Variants in KMT2E observed in about 807,000 individuals in gnomAD.
KMT2E encodes the protein histone reader KMT2E.
Under a neutral mutation model 184.6 loss-of-function variants are expected in KMT2E, and 30 were observed. That is an observed-to-expected ratio of 0.16 (90% CI 0.12 to 0.22). The LOEUF is 0.22. KMT2E is among the 10% of genes least tolerant of loss of function. The pLI is 1.00. For synonymous variants in KMT2E, 815 were observed against 776.5 expected (o/e 1.05, Z -0.82); for missense variants, 2,023 against 2,237.4 (o/e 0.90, Z 1.93).
chr7:105,014,560 A>C (rs2129563566), intron 1 of KMT2E, 25 bp downstream of exon 1: 1 of 148,870 alleles, frequency 6.7e-6, no homozygotes, highest in Middle Eastern at 3.4e-3. Context: ...TCTCCATGGG[A>C]GTTCCTGGGG....
intron 5 of KMT2E, 49 bp from the exon 6 acceptor site, chr7:105,066,678 A>C: frequency 7.1e-7 from 1 of 1,402,762 alleles, no homozygotes. Context: ...ATCTTAATTT[A>C]AGGATGACTT....
At chr7:105,097,486 A>G (rs1798459251) in intron 15 of KMT2E, among the ~76,000 whole-genome samples, 1 of 152,112 alleles carries the variant, frequency 6.6e-6, no homozygotes, top group Non-Finnish European at 1.5e-5. Flanking sequence ...CCCGGGTTCA[A>G]GTGATTCTCC....
intron 1 of KMT2E, among the ~76,000 whole-genome samples, chr7:105,033,381 C>A (rs1382314806): frequency 6.6e-6 from 1 of 152,096 alleles, no homozygotes; most frequent in Non-Finnish European, 1.5e-5. Context: ...TAGAGAAATT[C>A]TATGTATTTT....
chr7:105,095,946 A>G (rs960868860), intron 15 of KMT2E, among the ~76,000 whole-genome samples: 1 of 152,092 alleles, frequency 6.6e-6, no homozygotes, highest in Admixed American at 6.6e-5. Context: ...AAACTTCTGA[A>G]AGATTTAAAT....
intron 1 of KMT2E, among the ~76,000 whole-genome samples, chr7:105,032,884 A>C (rs569554972): frequency 6.6e-6 from 1 of 152,230 alleles, no homozygotes; most frequent in Non-Finnish European, 1.5e-5. Flanking sequence ...ATTCTACTCA[A>C]TATGTCCTTG....
chr7:105,042,853 T>A (rs977963179), intron 3 of KMT2E, among the ~76,000 whole-genome samples: 1 of 152,214 alleles, frequency 6.6e-6, no homozygotes, highest in African/African-American at 2.4e-5. Flanking sequence ...TCATGGAGAT[T>A]TTTTACACCT....
chr7:105,070,640 A>C (rs1481740478), intron 6 of KMT2E, among the ~76,000 whole-genome samples: 1 of 149,130 alleles, frequency 6.7e-6, no homozygotes, highest in African/African-American at 2.5e-5. Context: ...CTCAAAAAAA[A>C]AAAAAAAAAA....
Position 105,049,638 on chromosome 7 carries a change from C to G in KMT2E, c.71+8615C>G, listed in dbSNP as rs550211683. 4.9e-4 allele frequency among the ~76,000 whole-genome samples: 74 copies of G among 152,196 alleles called. 1 individual carries two copies. The highest frequency in any genetic ancestry group is 1.7e-3 in the African/African-American group (71 of 41,550). On this transcript the variant is annotated intron_variant, in intron 3 of 26. Transcript: ENST00000311117. Reference sequence around the variant, plus strand: ...AGGCGCGGTGGCTCACGCCTGTAATCCCAGCACTTTGGGAGGCTGAGGTGG... The same window carrying G: ...AGGCGCGGTGGCTCACGCCTGTAATGCCAGCACTTTGGGAGGCTGAGGTGG...
At chr7:105,092,436 A>G (rs1263155196) in intron 15 of KMT2E, among the ~76,000 whole-genome samples, 3 of 152,168 alleles carry the variant, frequency 2.0e-5, no homozygotes, top group Non-Finnish European at 4.4e-5. Flanking sequence ...TGACCTACTT[A>G]ATATGTGCCT....
At chr7:105,074,856 G>A (rs775287361) in intron 8 of KMT2E, 41 bp downstream of exon 8, 23 of 1,447,516 alleles carry the variant, frequency 1.6e-5, no homozygotes, top group East Asian at 2.5e-5. Flanking sequence ...ATAGGATAGC[G>A]GATAGGGAAC....
In KMT2E at chr7:105,113,599, T is replaced by TA; in HGVS notation, c.*266_*267insA. 3 of 317,846 alleles carry TA rather than the reference T, an allele frequency of 9.4e-6. No individual in the cohort carries two copies. Among genetic ancestry groups the TA allele is most frequent in the Non-Finnish European group, 1.6e-5 (3 of 181,990 alleles). The allele number at this position is 317,846 out of a possible 1,614,324, so 19.7% of individuals were successfully genotyped here. ...CTGATGCTGATTTGATGCTGTATGA[T>TA]CTTTTTTTTTTTTTTAGTTAAATTC... On this transcript the variant is annotated 3_prime_UTR_variant, in exon 27 of 27. Coordinates refer to ENST00000311117, the MANE Select transcript of KMT2E (RefSeq NM_182931.3).
Position 105,112,804 on chromosome 7 carries a change from C to CCCCCCGT in KMT2E, c.5048_5049insCCCCCGT (p.Gly1685ArgfsTer186). On this transcript the variant is annotated frameshift_variant, in exon 27 of 27. Coordinates refer to ENST00000311117, the MANE Select transcript of KMT2E (RefSeq NM_182931.3). LOFTEE classifies it high-confidence loss of function. ...CACCACTTACCCCCACCCCCACCCCCTCCTGGTCCTGCCCCTCATCACCAT... is the reference window on the plus strand; with the variant it reads ...CACCACTTACCCCCACCCCCACCCCCCCCCCGTTCCTGGTCCTGCCCCTCATCACCAT... 5 of 1,600,632 alleles carry CCCCCCGT rather than the reference C, an allele frequency of 3.1e-6. No individual in the cohort carries two copies. Among genetic ancestry groups the CCCCCCGT allele is most frequent in the Admixed American group, 1.7e-5 (1 of 58,972 alleles).
At chr7:105,033,598 A>C (rs1057368570) in intron 1 of KMT2E, among the ~76,000 whole-genome samples, 10 of 152,140 alleles carry the variant, frequency 6.6e-5, no homozygotes, top group African/African-American at 2.4e-4. Flanking sequence ...TCCTGGGTTC[A>C]TGCCATTCTT....
At chr7:105,076,672 T>C (rs1358535406) in intron 9 of KMT2E, among the ~76,000 whole-genome samples, 1 of 152,340 alleles carries the variant, frequency 6.6e-6, no homozygotes. Context: ...GTCAGCTGTA[T>C]GCTGTTACTA....
intron 15 of KMT2E, among the ~76,000 whole-genome samples, chr7:105,094,553 T>C (rs901362574): frequency 1.3e-5 from 2 of 152,184 alleles, no homozygotes; most frequent in Non-Finnish European, 2.9e-5. Flanking sequence ...CATCAAAAAG[T>C]TCTGGATTTC....
At position 105,112,988 on chromosome 7, in the gene KMT2E, T is replaced by C. The variant is rs773406841; in HGVS notation, c.5232T>C (p.His1744=). 3.1e-6 allele frequency: 5 copies of C among 1,613,934 alleles called. No homozygotes were observed. Among genetic ancestry groups the C allele is most frequent in the Middle Eastern group, 1.6e-4 (1 of 6,062 alleles). Residue 1744 remains histidine, a synonymous_variant, in exon 27 of 27, where the codon CAT becomes CAC. Coordinates refer to ENST00000311117, the MANE Select transcript of KMT2E (RefSeq NM_182931.3). ...TSAQALHHPP[H]QGPPLFPSSA... is the part of the protein sequence containing the mutation. ...CTCAAGCCTTACACCACCCACCTCA[T>C]CAAGGACCTCCACTTTTTCCTTCGA...
intron 26 of KMT2E, 31 bp from the exon 27 acceptor site, chr7:105,111,794 T>G (rs1799301244): frequency 6.4e-7 from 1 of 1,571,274 alleles, no homozygotes; most frequent in Non-Finnish European, 8.6e-7. Context: ...AAATGTTCCT[T>G]GAATGTATAT....
chr7:105,087,058 T>C (rs917297879), intron 13 of KMT2E, among the ~76,000 whole-genome samples: 1 of 147,202 alleles, frequency 6.8e-6, no homozygotes, highest in Non-Finnish European at 1.5e-5. Flanking sequence ...ATATATAGCA[T>C]ATATAATATA....
At chr7:105,049,879 A>G (rs1481290924) in intron 3 of KMT2E, among the ~76,000 whole-genome samples, 2 of 152,156 alleles carry the variant, frequency 1.3e-5, no homozygotes, top group Non-Finnish European at 2.9e-5. Flanking sequence ...CGACAAGAGC[A>G]AAACTCCGTC....
Sources: gnomAD v4.1 joint callset for allele counts (sites outside exome capture counted in the v4.1 genomes callset) on GRCh38, gnomAD v4.1.1 for gene constraint, MANE v1.5 for transcripts, NCBI Gene and HGNC (gene_info 2026-07-23, HGNC 2026-07-21) for gene names.